The following TUBB8 variants were observed in gnomAD, a reference collection of about 807,000 sequenced individuals.
TUBB8 encodes tubulin beta 8 class VIII, also known as tubulin beta-8 chain.
In TUBB8, 25 loss-of-function variants were observed where a neutral mutation model predicts 33.7. The observed-to-expected ratio is 0.74, with a 90% CI of 0.54 to 1.04. The LOEUF (loss-of-function observed/expected upper bound fraction) is 1.04. TUBB8 is among the 50% of genes least tolerant of loss of function. The probability of loss-of-function intolerance (pLI) is 0.00; values close to 1 mark genes in which losing one functional copy is unlikely to be tolerated. For missense variants in TUBB8, 279 were observed against 608.0 expected (o/e 0.46, Z 5.69); for synonymous variants, 245 against 240.1 (o/e 1.02, Z -0.19).
upstream of TUBB8, among the ~76,000 whole-genome samples, chr10:75,562 G>A (rs1380978555): frequency 2.0e-5 from 3 of 150,420 alleles, no homozygotes; most frequent in East Asian, 6.0e-4. Flanking sequence ...GGCTGAGGCA[G>A]GAGAATTGCT....
At chr10:49,890 C>T, upstream of TUBB8, 2 of 207,172 alleles carry the variant, frequency 9.7e-6, no homozygotes, top group Non-Finnish European at 2.0e-5. Context: ...AAGCTGAGGA[C>T]AGGTTTTGGG....
chr10:55,024 G>A (rs1834511818), intron 1 of TUBB8, among the ~76,000 whole-genome samples: 1 of 152,172 alleles, frequency 6.6e-6, no homozygotes, highest in African/African-American at 2.4e-5. Flanking sequence ...CCAAAGTGCT[G>A]GGATTACAAG....
Position 48,601 on chromosome 10 carries a change from C to A in TUBB8, c.277+14G>T, listed in dbSNP as rs11251906. 78,686 of 1,606,724 alleles carry A rather than the reference C, an allele frequency of 0.049. 5,825 individuals are homozygous for A. Among genetic ancestry groups the A allele is most frequent in the African/African-American group, 0.36 (26,518 of 74,640 alleles). On this transcript the variant is annotated intron_variant, in intron 3 of 3. Transcript: ENST00000568584. Reference sequence around the variant, plus strand: ...GGCTAAGGAGCCGCACCCCAGTCCTCGCCCGCAGCTCACCGAAGATGAAGT... The same window carrying A: ...GGCTAAGGAGCCGCACCCCAGTCCTAGCCCGCAGCTCACCGAAGATGAAGT...
At chr10:71,621 CA>C (rs1254859719) in intron 1 of TUBB8, among the ~76,000 whole-genome samples, 3 of 143,856 alleles carry the variant, frequency 2.1e-5, no homozygotes, top group Non-Finnish European at 4.5e-5. Context: ...AAATCTGTCT[CA>C]AAAAAAAAGT....
chr10:75,273 C>A (rs1363709122), upstream of TUBB8, among the ~76,000 whole-genome samples: 1 of 151,984 alleles, frequency 6.6e-6, no homozygotes, highest in Non-Finnish European at 1.5e-5. Flanking sequence ...TGCTGGAGCC[C>A]AGGACACCGA....
chr10:60,185 A>G (rs1294848250), intron 1 of TUBB8, among the ~76,000 whole-genome samples: 9 of 152,200 alleles, frequency 5.9e-5, no homozygotes, highest in African/African-American at 1.9e-4. Context: ...GTGAATTAAG[A>G]TGTATTGTTA....
chr10:64,975 T>TAAAAAAAAAAAAAA (rs61340461), intron 1 of TUBB8, among the ~76,000 whole-genome samples: 1,332 of 117,930 alleles, frequency 0.011, no homozygotes, highest in Non-Finnish European at 0.014. Flanking sequence ...CCATCTCCAC[T>TAAAAAAAAAAAAAA]AAAAAAAAAA....
In TUBB8 at chr10:60,423, A is replaced by C. The variant is rs535132782; in HGVS notation, c.-845-10190T>G. On this transcript the variant is annotated intron_variant, in intron 1 of 3. Coordinates refer to the TUBB8 transcript ENST00000564130. ...CATCAAAAAGTGGGCAAAGGACATG[A>C]ACAGACACTTCTCAAAAGAAGACAT... Among the ~76,000 whole-genome samples, 432 of 152,310 alleles carry C rather than the reference A, an allele frequency of 2.8e-3. 2 individuals are homozygous for C. Among genetic ancestry groups the C allele is most frequent in the African/African-American group, 0.01 (418 of 41,572 alleles).
intron 1 of TUBB8, among the ~76,000 whole-genome samples, chr10:61,081 G>C (rs1193291138): frequency 2.4e-5 from 3 of 124,374 alleles, no homozygotes; most frequent in Non-Finnish European, 3.3e-5. Flanking sequence ...GTTGTGGGGT[G>C]GGGGGAGGGG....
chr10:63,630 CTTTA>C (rs1554741190), intron 1 of TUBB8, among the ~76,000 whole-genome samples: 3 of 152,098 alleles, frequency 2.0e-5, no homozygotes, highest in Non-Finnish European at 4.4e-5. Flanking sequence ...AGAATTTCTG[CTTTA>C]TTCTTTTTAT....
intron 1 of TUBB8, among the ~76,000 whole-genome samples, chr10:70,349 T>A (rs1834721286): frequency 6.6e-6 from 1 of 152,092 alleles, no homozygotes; most frequent in South Asian, 2.1e-4. Flanking sequence ...TAGTTACATA[T>A]GTATACATGT....
In TUBB8 at chr10:48,069, T is replaced by G. The variant is rs1554738591; in HGVS notation, c.323A>C (p.Glu108Ala). Reference sequence around the variant, plus strand: ...CACTGACTCCATCAGCTCCGCGCCTTCGGTGTAGTGTCCCTTGGCCCAGTT... The same window carrying G: ...CACTGACTCCATCAGCTCCGCGCCTGCGGTGTAGTGTCCCTTGGCCCAGTT... ...GNNWAKGHYT[E>A]GAELMESVMD... The change falls in exon 4 of 4, where the codon GAA becomes GCA. Residue 108 changes from glutamate to alanine, a missense_variant. Transcript: ENST00000568584. 6.2e-7 allele frequency: 1 copy of G among 1,613,858 alleles called. No individual in the cohort carries two copies. The highest frequency in any genetic ancestry group is 8.5e-7 in the Non-Finnish European group (1 of 1,179,956).
intron 1 of TUBB8, among the ~76,000 whole-genome samples, chr10:61,532 C>T (rs557146375): frequency 4.6e-5 from 7 of 152,288 alleles, no homozygotes; most frequent in African/African-American, 1.7e-4. Flanking sequence ...TATGGTCTAT[C>T]CTTGAAAATA....
intron 1 of TUBB8, among the ~76,000 whole-genome samples, chr10:69,378 G>A (rs1161681216): frequency 1.3e-5 from 2 of 152,170 alleles, no homozygotes; most frequent in Non-Finnish European, 2.9e-5. Context: ...AATTGTCTAA[G>A]ACACTGTCCA....
chr10:76,617 G>T (rs1834817857), upstream of TUBB8, among the ~76,000 whole-genome samples: 1 of 119,460 alleles, frequency 8.4e-6, no homozygotes, highest in African/African-American at 3.2e-5. Context: ...GCCGCCGTGC[G>T]GTTCGGACAC....
intron 1 of TUBB8, among the ~76,000 whole-genome samples, chr10:72,116 T>C (rs1205278491): frequency 1.3e-5 from 2 of 151,678 alleles, no homozygotes; most frequent in Non-Finnish European, 2.9e-5. Context: ...TCCCAGCTGC[T>C]CAGGAGGCTG....
At chr10:54,840 C>A (rs1357034844) in intron 1 of TUBB8, among the ~76,000 whole-genome samples, 2 of 152,186 alleles carry the variant, frequency 1.3e-5, no homozygotes, top group South Asian at 2.1e-4. Flanking sequence ...TTCACTGCAA[C>A]CTCCACCTCC....
chr10:52,943 G>C (rs1438718500), upstream of TUBB8, among the ~76,000 whole-genome samples: 2 of 152,136 alleles, frequency 1.3e-5, no homozygotes, highest in African/African-American at 4.8e-5. Context: ...TATTTCTCAG[G>C]AATTTTGTGC....
chr10:48,542 G>A (rs1834404199), intron 3 of TUBB8, 73 bp downstream of exon 3: 6 of 1,410,438 alleles, frequency 4.3e-6, no homozygotes, highest in South Asian at 1.2e-5. Context: ...CCCAGAGGAT[G>A]ACCTTAGCAC....
Sources: allele counts gnomAD v4.1 joint callset (sites outside exome capture counted in the v4.1 genomes callset), GRCh38; gene constraint gnomAD v4.1.1; transcripts MANE v1.5; gene names NCBI Gene and HGNC (gene_info 2026-07-23, HGNC 2026-07-21).